ZNF717: variants seen among roughly 807,000 people sequenced by gnomAD.
The protein encoded by ZNF717 is krueppel-like factor X17.
A neutral mutation model predicts 13.8 loss-of-function variants in ZNF717; 9 were observed. The observed-to-expected ratio is 0.65, with a 90% CI of 0.39 to 1.14. ZNF717 has a LOEUF of 1.14. Ranked by LOEUF, ZNF717 falls within the 50% of genes most tolerant of loss-of-function variation. The pLI, the probability that ZNF717 is intolerant of heterozygous loss-of-function variation, is 0.01. For missense variants in ZNF717, 1,040 were observed against 1,080.7 expected, an observed-to-expected ratio of 0.96 and a Z score of 0.53; for synonymous variants, 327 against 364.1, an observed-to-expected ratio of 0.90 and a Z score of 1.16.
intron 2 of ZNF717, among the ~76,000 whole-genome samples, chr3:75,754,400 A>C (rs1942285403): frequency 6.6e-6 from 1 of 151,846 alleles, no homozygotes; most frequent in African/African-American, 2.4e-5. Context: ...AAGCTTCAGA[A>C]GCAGACAAAC....
intron 2 of ZNF717, among the ~76,000 whole-genome samples, chr3:75,750,085 A>C (rs1299241050): frequency 1.3e-5 from 2 of 151,638 alleles, no homozygotes. Context: ...CTCACATAGG[A>C]TACCAGTACC....
chr3:75,777,642 T>C (rs1356169169), intron 2 of ZNF717, among the ~76,000 whole-genome samples: 1 of 148,324 alleles, frequency 6.7e-6, no homozygotes, highest in Non-Finnish European at 1.5e-5. Flanking sequence ...AAAATGGGAG[T>C]GATATGCTAA....
rs1448506050 is a variant in ZNF717 at position 75,730,599 on chromosome 3, G to A, written c.*14C>T. On this transcript the variant is annotated 3_prime_UTR_variant, in exon 6 of 6. Coordinates refer to the ZNF717 transcript ENST00000477374. ...TGACAATTGGGAATACAGTTCCAGA[G>A]TTCACAAGAGAGATCAAACCTGGAG... 7.1e-6 allele frequency: 5 copies of A among 701,664 alleles called. No individual in the cohort carries two copies. The African/African-American group carries it at 8.7e-5, about 12-fold the overall frequency. The allele number at this position is 701,664 out of a possible 1,614,324, so 43.5% of individuals were successfully genotyped here.
At chr3:75,724,254 T>C (rs1286683911) in intron 4 of ZNF717, among the ~76,000 whole-genome samples, 1 of 151,954 alleles carries the variant, frequency 6.6e-6, no homozygotes, top group African/African-American at 2.4e-5. Context: ...CACGTCTTGG[T>C]GGTAGTGGTC....
At chr3:75,770,721 A>T (rs35384169) in intron 2 of ZNF717, among the ~76,000 whole-genome samples, 49,331 of 152,068 alleles carry the variant, frequency 0.32, 9,226 homozygotes, top group Non-Finnish European at 0.43. Flanking sequence ...AGAGAGGACG[A>T]TGTGGCTTTC....
intron 4 of ZNF717, among the ~76,000 whole-genome samples, chr3:75,721,527 C>T (rs1440240823): frequency 6.6e-6 from 1 of 152,180 alleles, no homozygotes; most frequent in African/African-American, 2.4e-5. Flanking sequence ...GTAATCTGCC[C>T]GCCTCAGCCT....
intron 4 of ZNF717, among the ~76,000 whole-genome samples, chr3:75,740,009 C>T (rs1327545259): frequency 3.3e-5 from 5 of 152,242 alleles, no homozygotes; most frequent in African/African-American, 4.8e-5. Flanking sequence ...GGCACAGAAG[C>T]TCCAGTCAAA....
chr3:75,724,119 G>A (rs369503432), intron 4 of ZNF717, among the ~76,000 whole-genome samples: 275 of 152,128 alleles, frequency 1.8e-3, no homozygotes, highest in African/African-American at 5.9e-3. Context: ...GCCTCCAACC[G>A]GTAGACAGGA....
At chr3:75,748,293 T>A (rs2107325136) in intron 2 of ZNF717, among the ~76,000 whole-genome samples, 1 of 152,258 alleles carries the variant, frequency 6.6e-6, no homozygotes, top group African/African-American at 2.4e-5. Flanking sequence ...CTTCTGAAAC[T>A]ATTCCAATCA....
Position 75,713,446 on chromosome 3 carries a change from T to C in ZNF717, n.668-2130A>G, listed in dbSNP as rs1336648642. 2.1e-3 allele frequency among the ~76,000 whole-genome samples: 322 copies of C among 152,256 alleles called. 1 individual carries two copies. The highest frequency in any genetic ancestry group is 4.7e-3 in the Admixed American group (72 of 15,304). The stretch of plus-strand genomic sequence containing the variant: ...GATCACAGGCATGAGCCACTGTACC[T>C]GGCCTATATTAATTAGAATTTTAAA... On this transcript the variant is annotated intron_variant and non_coding_transcript_variant, in intron 5 of 5. Coordinates refer to the ZNF717 transcript ENST00000491507.
chr3:75,783,953 C>T (rs1371216174), intron 1 of ZNF717, among the ~76,000 whole-genome samples: 1 of 152,194 alleles, frequency 6.6e-6, no homozygotes, highest in African/African-American at 2.4e-5. Context: ...TCCAAGCCCT[C>T]ATATTATGCT....
chr3:75,749,144 G>A (rs1409609526), intron 2 of ZNF717, among the ~76,000 whole-genome samples: 9 of 149,486 alleles, frequency 6.0e-5, no homozygotes, highest in African/African-American at 1.2e-4. Context: ...ACACTGCTAC[G>A]AGGGTCTGAA....
intron 2 of ZNF717, among the ~76,000 whole-genome samples, chr3:75,742,409 G>A (rs1473449183): frequency 4.0e-5 from 6 of 151,740 alleles, no homozygotes; most frequent in Non-Finnish European, 8.8e-5. Context: ...CACATACTGG[G>A]AATAATGTTT....
At chr3:75,768,767 G>A (rs112375599) in intron 2 of ZNF717, among the ~76,000 whole-genome samples, 47,946 of 149,432 alleles carry the variant, frequency 0.32, 8,747 homozygotes, top group Non-Finnish European at 0.42. Flanking sequence ...TCCTCACTGT[G>A]GCTGAGTGTG....
intron 2 of ZNF717, among the ~76,000 whole-genome samples, chr3:75,745,610 C>T (rs1575803929): frequency 1.3e-5 from 2 of 152,030 alleles, no homozygotes; most frequent in Non-Finnish European, 2.9e-5. Flanking sequence ...CTCTGATTAA[C>T]ATCACTGCAA....
chr3:75,727,474 T>TATTAATA (rs1325159453), downstream of ZNF717, among the ~76,000 whole-genome samples: 1 of 152,166 alleles, frequency 6.6e-6, no homozygotes, highest in Non-Finnish European at 1.5e-5. Flanking sequence ...CAGCAAGGAA[T>TATTAATA]ATTAATAATT....
intron 2 of ZNF717, among the ~76,000 whole-genome samples, chr3:75,771,517 A>G (rs1278063789): frequency 2.6e-5 from 4 of 152,228 alleles, no homozygotes; most frequent in Admixed American, 6.5e-5. Flanking sequence ...CTCCGGAGCG[A>G]TAGTGTGGTG....
chr3:75,720,878 C>A (rs1269868058), intron 4 of ZNF717, among the ~76,000 whole-genome samples: 1 of 152,116 alleles, frequency 6.6e-6, no homozygotes, highest in Non-Finnish European at 1.5e-5. Context: ...CTTTCTTACT[C>A]CTTCTTCTCT....
At chr3:75,764,612 C>A (rs1943284417) in intron 2 of ZNF717, among the ~76,000 whole-genome samples, 1 of 152,182 alleles carries the variant, frequency 6.6e-6, no homozygotes, top group Non-Finnish European at 1.5e-5. Context: ...GGACAAAGAA[C>A]ATTTATCCAA....
Sources: gnomAD v4.1 joint callset for allele counts (sites outside exome capture counted in the v4.1 genomes callset) on GRCh38, gnomAD v4.1.1 for gene constraint, MANE v1.5 for transcripts, NCBI Gene and HGNC (gene_info 2026-07-23, HGNC 2026-07-21) for gene names.